Variants in OLA1 observed in about 807,000 individuals in gnomAD.
OLA1 encodes the protein Obg like ATPase 1, also known as obg-like ATPase 1.
OLA1 carries 14 observed loss-of-function variants against 48.4 expected under a neutral mutation model. The observed-to-expected ratio is 0.29, with a 90% CI of 0.19 to 0.45. OLA1 has a LOEUF of 0.45. Among genes scored for constraint, OLA1 ranks in the 20% least tolerant of loss-of-function variants. The pLI is 1.00. For synonymous variants in OLA1, 127 were observed against 150.4 expected, an observed-to-expected ratio of 0.84 and a Z score of 1.14; for missense variants, 325 against 467.1, an observed-to-expected ratio of 0.70 and a Z score of 2.80.
In OLA1 at chr2:174,155,204, C is replaced by T. The variant is rs138704470; in HGVS notation, c.374-13204G>A. Among the ~76,000 whole-genome samples the T allele has an allele frequency of 3.9e-5, 6 of 152,110 alleles. No homozygotes were observed. The East Asian group carries it at 9.7e-4, about 24-fold the overall frequency. On this transcript the variant is annotated intron_variant, in intron 4 of 10. Transcript: ENST00000284719. ...GTGTATCTTAAGTGTCTTTCTAGTT[C>T]CCACAAGGGCCCTGATCAGAGCTGA...
intron 3 of OLA1, among the ~76,000 whole-genome samples, chr2:174,227,663 T>C (rs112476879): frequency 3.3e-5 from 5 of 152,274 alleles, no homozygotes; most frequent in African/African-American, 9.6e-5. Flanking sequence ...GGGATATAAT[T>C]TGAGCATCAA....
chr2:174,227,377 T>TG (rs1688639359), intron 3 of OLA1, among the ~76,000 whole-genome samples: 3 of 152,172 alleles, frequency 2.0e-5, no homozygotes, highest in African/African-American at 7.2e-5. Context: ...GATGGTAATA[T>TG]GGGGTCAGTG....
At chr2:174,118,557 G>A (rs1420661825) in intron 7 of OLA1, among the ~76,000 whole-genome samples, 1 of 152,126 alleles carries the variant, frequency 6.6e-6, no homozygotes, top group South Asian at 2.1e-4. Context: ...AGAATCCTAA[G>A]GAACACTTAA....
At chr2:174,163,199 T>G (rs1687054295) in intron 4 of OLA1, among the ~76,000 whole-genome samples, 1 of 152,106 alleles carries the variant, frequency 6.6e-6, no homozygotes, top group Non-Finnish European at 1.5e-5. Flanking sequence ...AAAGCAAACA[T>G]ATGTCTGAGA....
At chr2:174,168,029 G>C (rs550333110) in intron 4 of OLA1, among the ~76,000 whole-genome samples, 1 of 152,192 alleles carries the variant, frequency 6.6e-6, no homozygotes. Context: ...CAGAAAGACT[G>C]CTTAGGAGTA....
intron 4 of OLA1, among the ~76,000 whole-genome samples, chr2:174,190,670 A>G (rs1161596176): frequency 6.6e-6 from 1 of 152,090 alleles, no homozygotes; most frequent in African/African-American, 2.4e-5. Flanking sequence ...ACAGATTTTG[A>G]TCAACCACAC....
chr2:174,244,583 A>AT (rs952075713), intron 2 of OLA1, among the ~76,000 whole-genome samples: 3 of 151,526 alleles, frequency 2.0e-5, no homozygotes, highest in Non-Finnish European at 4.4e-5. Context: ...GTTGTTTACT[A>AT]TTTTTTTTAC....
At chr2:174,224,479 G>A (rs988520726) in intron 3 of OLA1, among the ~76,000 whole-genome samples, 5 of 152,074 alleles carry the variant, frequency 3.3e-5, no homozygotes, top group African/African-American at 7.2e-5. Context: ...TTGCCTCAAA[G>A]AACTTAAGAA....
At chr2:174,163,912 C>G (rs1687093810) in intron 4 of OLA1, among the ~76,000 whole-genome samples, 1 of 151,396 alleles carries the variant, frequency 6.6e-6, no homozygotes, top group South Asian at 2.1e-4. Flanking sequence ...CGTGGTGGTA[C>G]AATTTGGCTG....
At chr2:174,156,533 G>A (rs1055400241) in intron 4 of OLA1, among the ~76,000 whole-genome samples, 25 of 148,420 alleles carry the variant, frequency 1.7e-4, no homozygotes, top group Admixed American at 1.7e-3. Flanking sequence ...TTTCAGAGAC[G>A]TATTCTTGTG....
chr2:174,228,068 G>C (rs1212956386), intron 3 of OLA1, among the ~76,000 whole-genome samples: 1 of 152,090 alleles, frequency 6.6e-6, no homozygotes, highest in Non-Finnish European at 1.5e-5. Context: ...AGAATTTGGT[G>C]CAAGAAGGTG....
intron 4 of OLA1, among the ~76,000 whole-genome samples, chr2:174,209,230 C>G (rs1178133862): frequency 6.6e-6 from 1 of 152,188 alleles, no homozygotes; most frequent in Non-Finnish European, 1.5e-5. Context: ...AAGCTATACA[C>G]TTGCCAGCAT....
chr2:174,123,436 T>G (rs1260223413), intron 6 of OLA1, among the ~76,000 whole-genome samples, 159 bp from the exon 7 acceptor site: 1 of 151,770 alleles, frequency 6.6e-6, no homozygotes, highest in East Asian at 1.9e-4. Flanking sequence ...ATATCATGAG[T>G]GGGGGAAAAG....
At chr2:174,119,984 G>A (rs1394651483) in intron 7 of OLA1, among the ~76,000 whole-genome samples, 5 of 151,394 alleles carry the variant, frequency 3.3e-5, no homozygotes, top group Non-Finnish European at 7.4e-5. Flanking sequence ...CACACAGTCT[G>A]CGTATCTAAA....
intron 4 of OLA1, among the ~76,000 whole-genome samples, chr2:174,214,119 G>A (rs1688308258): frequency 6.6e-6 from 1 of 152,026 alleles, no homozygotes; most frequent in African/African-American, 2.4e-5. Flanking sequence ...GATCATTTGA[G>A]GTCAGGAGTT....
At chr2:174,223,765 C>T (rs1370047116) in intron 3 of OLA1, among the ~76,000 whole-genome samples, 1 of 73,326 alleles carries the variant, frequency 1.4e-5, no homozygotes, top group East Asian at 3.4e-4. Flanking sequence ...GTTATATAGA[C>T]AAAAAAAAAA....
chr2:174,091,510 C>A (rs1478200406), intron 7 of OLA1, among the ~76,000 whole-genome samples: 1 of 152,200 alleles, frequency 6.6e-6, no homozygotes, highest in Non-Finnish European at 1.5e-5. Flanking sequence ...ATGGCATATG[C>A]CAGAAATTAA....
intron 4 of OLA1, among the ~76,000 whole-genome samples, chr2:174,221,274 C>A (rs201566872): frequency 3.3e-5 from 5 of 150,126 alleles, no homozygotes; most frequent in East Asian, 2.0e-4. Flanking sequence ...TTTCCCCCCC[C>A]ACAAGGGTTA....
At chr2:174,179,331 T>C (rs1240133889) in intron 4 of OLA1, among the ~76,000 whole-genome samples, 12 of 151,892 alleles carry the variant, frequency 7.9e-5, no homozygotes. Flanking sequence ...CTCAAAATAG[T>C]TATGCATGAG....
Sources: gnomAD v4.1 joint callset for allele counts (sites outside exome capture counted in the v4.1 genomes callset) on GRCh38, gnomAD v4.1.1 for gene constraint, MANE v1.5 for transcripts, NCBI Gene and HGNC (gene_info 2026-07-23, HGNC 2026-07-21) for gene names.